ABI3BP: variants seen among roughly 807,000 people sequenced by gnomAD.
The protein encoded by ABI3BP is ABI family member 3 binding protein.
Under a neutral mutation model 268.6 loss-of-function variants are expected in ABI3BP, and 216 were observed. The observed-to-expected ratio is 0.80, with a 90% CI of 0.72 to 0.90. The LOEUF (loss-of-function observed/expected upper bound fraction) is 0.90. ABI3BP is among the 40% of genes least tolerant of loss of function. The probability of loss-of-function intolerance (pLI) is 0.00; values close to 1 mark genes in which losing one functional copy is unlikely to be tolerated. For synonymous variants in ABI3BP, 730 were observed against 730.0 expected (o/e 1.00, Z 0.00); for missense variants, 2,090 against 2,182.4 (o/e 0.96, Z 0.84).
At chr3:100,754,315 G>C (rs537886680) in intron 64 of ABI3BP, among the ~76,000 whole-genome samples, 45 of 152,318 alleles carry the variant, frequency 3.0e-4, no homozygotes, top group African/African-American at 1.1e-3. Flanking sequence ...GGTTCCCTTT[G>C]TGGATGTACT....
At chr3:100,856,359 A>C (rs536111188) in intron 14 of ABI3BP, among the ~76,000 whole-genome samples, 2 of 152,340 alleles carry the variant, frequency 1.3e-5, no homozygotes, top group East Asian at 3.9e-4. Context: ...GTAAGAATTT[A>C]ACACTGAAAA....
intron 66 of ABI3BP, 134 bp downstream of exon 66, chr3:100,752,653 T>C: frequency 2.3e-6 from 2 of 857,606 alleles, no homozygotes; most frequent in Non-Finnish European, 3.6e-6. Flanking sequence ...TTCCGTAACA[T>C]TTTGCTCAGA....
At chr3:100,754,764 C>T (rs2095526611) in intron 63 of ABI3BP, 73 bp from the exon 64 acceptor site, 9 of 1,185,974 alleles carry the variant, frequency 7.6e-6, no homozygotes, top group East Asian at 2.5e-5. Context: ...CCCTATTATA[C>T]GGACATCCAC....
chr3:100,761,703 A>G (rs1055435910), intron 63 of ABI3BP, among the ~76,000 whole-genome samples: 8 of 152,150 alleles, frequency 5.3e-5, no homozygotes, highest in African/African-American at 1.9e-4. Context: ...AGCATTCAGA[A>G]TTTCTAACAA....
At chr3:100,888,860 C>T (rs899538846) in intron 4 of ABI3BP, among the ~76,000 whole-genome samples, 3 of 146,872 alleles carry the variant, frequency 2.0e-5, no homozygotes, top group African/African-American at 7.6e-5. Context: ...CTTAACTATA[C>T]TTAAAGTGGT....
chr3:100,833,462 T>C (rs1464766219), intron 29 of ABI3BP, among the ~76,000 whole-genome samples: 2 of 152,140 alleles, frequency 1.3e-5, no homozygotes, highest in East Asian at 3.9e-4. Context: ...GTTTAAAAAT[T>C]AGGAAAAACT....
intron 1 of ABI3BP, among the ~76,000 whole-genome samples, chr3:100,936,318 G>C (rs928343969): frequency 7.2e-5 from 11 of 152,090 alleles, no homozygotes; most frequent in Non-Finnish European, 1.3e-4. Flanking sequence ...GCATCCCAGG[G>C]ATGAAGCCGA....
intron 15 of ABI3BP, among the ~76,000 whole-genome samples, chr3:100,851,513 A>G (rs1288743891): frequency 1.3e-5 from 2 of 152,168 alleles, no homozygotes; most frequent in Non-Finnish European, 2.9e-5. Context: ...ATCCTGGGGA[A>G]GGTATGGGAG....
intron 65 of ABI3BP, 44 bp downstream of exon 65, chr3:100,753,775 T>C (rs1183817058): frequency 1.9e-6 from 3 of 1,601,292 alleles, no homozygotes; most frequent in Non-Finnish European, 2.6e-6. Flanking sequence ...GTTGAATAAA[T>C]TTAGAAAAGC....
At chr3:100,868,414 T>C (rs1204371312) in intron 9 of ABI3BP, among the ~76,000 whole-genome samples, 1 of 152,250 alleles carries the variant, frequency 6.6e-6, no homozygotes, top group Non-Finnish European at 1.5e-5. Context: ...TTGCTCCCTG[T>C]TGAAAACTTT....
chr3:100,860,563 G>A (rs760474770), intron 14 of ABI3BP, among the ~76,000 whole-genome samples: 6 of 151,966 alleles, frequency 3.9e-5, no homozygotes, highest in African/African-American at 9.7e-5. Context: ...ATCTATTTTC[G>A]TCTCATTGTA....
intron 59 of ABI3BP, among the ~76,000 whole-genome samples, chr3:100,777,224 A>G (rs947111684): frequency 3.3e-5 from 5 of 152,164 alleles, no homozygotes; most frequent in African/African-American, 1.2e-4. Context: ...TTCATCTTTC[A>G]CAGCTGTTTT....
chr3:100,959,414 C>T (rs982795698), intron 1 of ABI3BP, among the ~76,000 whole-genome samples: 9 of 137,010 alleles, frequency 6.6e-5, no homozygotes, highest in East Asian at 2.2e-4. Context: ...GGCGTGAACC[C>T]GGGAGGCGGA....
At chr3:100,776,374 G>A (rs973937948) in intron 59 of ABI3BP, among the ~76,000 whole-genome samples, 1 of 152,198 alleles carries the variant, frequency 6.6e-6, no homozygotes, top group East Asian at 1.9e-4. Flanking sequence ...CCCAAGAGAA[G>A]TTGCACTGCA....
At chr3:100,781,395 A>T (rs184320467) in intron 57 of ABI3BP, among the ~76,000 whole-genome samples, 1 of 152,172 alleles carries the variant, frequency 6.6e-6, no homozygotes, top group Admixed American at 6.5e-5. Flanking sequence ...ACATAAAATC[A>T]TGGAGAAAAT....
intron 1 of ABI3BP, among the ~76,000 whole-genome samples, chr3:100,937,689 A>T (rs2066850297): frequency 2.6e-5 from 4 of 152,148 alleles, no homozygotes; most frequent in Non-Finnish European, 5.9e-5. Flanking sequence ...AACAAACATA[A>T]AGTTAGCAAG....
intron 14 of ABI3BP, among the ~76,000 whole-genome samples, chr3:100,854,628 A>G (rs994036363): frequency 6.6e-6 from 1 of 152,234 alleles, no homozygotes; most frequent in Admixed American, 6.5e-5. Context: ...GCAAACTTCT[A>G]TCACTATGCT....
At chr3:100,859,508 TGTGA>T (rs1441448972) in intron 14 of ABI3BP, among the ~76,000 whole-genome samples, 1 of 152,188 alleles carries the variant, frequency 6.6e-6, no homozygotes, top group African/African-American at 2.4e-5. Context: ...TAGGAAGCTG[TGTGA>T]GTAATTGGAA....
At position 100,794,971 on chromosome 3, in the gene ABI3BP, G is replaced by C; in HGVS notation, c.3898C>G (p.Pro1300Ala). Residue 1300 changes from proline to alanine, a missense_variant, in exon 54 of 68, where the codon CCC (proline) becomes GCC (alanine). By Grantham distance (27) the Pro-to-Ala change is conservative (BLOSUM62 -1). Coordinates refer to ENST00000471714, the MANE Select transcript of ABI3BP (RefSeq NM_001375547.2). ...PLETRGIPFI[P>A]MISPSPSQEE... ...TGACTAGGACTTGGGGAAATCATGG[G>C]TATAAAAGGGATGCCTCGTGTCTCT... 1.3e-6 allele frequency: 2 copies of C among 1,560,678 alleles called. No individual in the cohort carries two copies. The highest frequency in any genetic ancestry group is 1.7e-6 in the Non-Finnish European group (2 of 1,155,212).
Sources: gnomAD v4.1 joint callset for allele counts (sites outside exome capture counted in the v4.1 genomes callset) on GRCh38, gnomAD v4.1.1 for gene constraint, MANE v1.5 for transcripts, NCBI Gene and HGNC (gene_info 2026-07-23, HGNC 2026-07-21) for gene names.